CPPED1: variants seen among roughly 807,000 people sequenced by gnomAD.
CPPED1 encodes the protein calcineurin like phosphoesterase domain containing 1.
In CPPED1, 28 loss-of-function variants were observed where a neutral mutation model predicts 28.0. The ratio of observed to expected loss-of-function variants is 1.00; its 90% CI spans 0.74 to 1.37. The LOEUF is 1.37. Among genes scored for constraint, CPPED1 ranks in the 40% most tolerant of loss-of-function variants. The pLI is 0.00. For missense variants in CPPED1, 504 were observed against 416.5 expected (o/e 1.21, Z -1.83); for synonymous variants, 198 against 180.2 (o/e 1.10, Z -0.79).
chr16:12,738,320 C>G (rs2080237598), intron 2 of CPPED1, among the ~76,000 whole-genome samples: 2 of 151,932 alleles, frequency 1.3e-5, no homozygotes, highest in African/African-American at 4.8e-5. Flanking sequence ...GGAAATATGC[C>G]AACAATGTTA....
rs547412423 is a variant in CPPED1, at chr16:12,781,303, G to T, written c.171C>A (p.Gly57=). The T allele has an allele frequency of 6.2e-6, 10 of 1,613,972 alleles. No individual in the cohort carries two copies. Among genetic ancestry groups the T allele is most frequent in the Middle Eastern group, 1.6e-4 (1 of 6,084 alleles). Residue 57 remains glycine, a synonymous_variant, in exon 2 of 4, where the codon GGC becomes GGA. Coordinates refer to ENST00000381774, the MANE Select transcript of CPPED1 (RefSeq NM_018340.3). ...KAWSTGDCDN[G]GDEWEQEIRL... ...GGATCTCCTGTTCCCATTCGTCACC[G>T]CCATTGTCACAGTCCCCAGTGGACC...
At chr16:12,713,245 G>A (rs931453357) in intron 2 of CPPED1, among the ~76,000 whole-genome samples, 10 of 152,120 alleles carry the variant, frequency 6.6e-5, no homozygotes, top group African/African-American at 1.9e-4. Context: ...GACTTTAAAC[G>A]TCAACACCTA....
intron 2 of CPPED1, among the ~76,000 whole-genome samples, chr16:12,736,453 G>GTTGAGGCCCA (rs1254369532): frequency 1.3e-5 from 2 of 152,000 alleles, no homozygotes; most frequent in Non-Finnish European, 2.9e-5. Context: ...TGGCTAGGCT[G>GTTGAGGCCCA]GTCTCAAGCT....
chr16:12,798,480 C>T (rs2141247928), intron 1 of CPPED1, among the ~76,000 whole-genome samples: 1 of 152,292 alleles, frequency 6.6e-6, no homozygotes, highest in African/African-American at 2.4e-5. Context: ...TTAGGTGAGA[C>T]CTGCAAGAGA....
intron 3 of CPPED1, among the ~76,000 whole-genome samples, chr16:12,685,819 A>T (rs1195206867): frequency 1.3e-5 from 2 of 152,108 alleles, no homozygotes; most frequent in Non-Finnish European, 2.9e-5. Context: ...CTGGATATGG[A>T]GATTTGGGAG....
chr16:12,708,136 G>A (rs1471914389), intron 2 of CPPED1, among the ~76,000 whole-genome samples: 1 of 151,968 alleles, frequency 6.6e-6, no homozygotes, highest in African/African-American at 2.4e-5. Flanking sequence ...AACAGAGTGA[G>A]ATTCTGTCTC....
chr16:12,709,812 C>G lies in CPPED1; in HGVS notation c.290-4763G>C, dbSNP rs77538685. Among the ~76,000 whole-genome samples, 2,796 of 152,058 alleles carry G rather than the reference C, an allele frequency of 0.018. 42 individuals are homozygous for G. The highest frequency in any genetic ancestry group is 0.029 in the Non-Finnish European group (1,958 of 67,980). ...AACAAGACAAGGAAGTCTGCTCTCA[C>G]ACTCTCACTGAACATCATACTAGAA... On this transcript the variant is annotated intron_variant, in intron 2 of 3. Transcript: ENST00000381774. The surrounding 1 kb of genome is among the most constrained non-coding windows in gnomAD (Gnocchi z 4.4).
chr16:12,678,950 T>C (rs934970931), intron 3 of CPPED1, among the ~76,000 whole-genome samples: 1 of 152,246 alleles, frequency 6.6e-6, no homozygotes, highest in Non-Finnish European at 1.5e-5. Flanking sequence ...TTTTTCTTGT[T>C]GGTTATAAAT....
intron 3 of CPPED1, among the ~76,000 whole-genome samples, chr16:12,671,381 A>G (rs2079851981): frequency 6.6e-6 from 1 of 152,072 alleles, no homozygotes; most frequent in South Asian, 2.1e-4. Flanking sequence ...GAGATTGAGA[A>G]TGGTGGTAAA....
chr16:12,686,719 A>G (rs1163955789), intron 3 of CPPED1, among the ~76,000 whole-genome samples: 1 of 152,208 alleles, frequency 6.6e-6, no homozygotes, highest in African/African-American at 2.4e-5. Context: ...TGGAAATGAG[A>G]ACCAGACGAC....
intron 3 of CPPED1, among the ~76,000 whole-genome samples, chr16:12,701,363 A>G (rs1271886024): frequency 6.6e-6 from 1 of 151,992 alleles, no homozygotes; most frequent in Non-Finnish European, 1.5e-5. Context: ...GTGAAACCCC[A>G]TCTCTACTAA....
intron 2 of CPPED1, among the ~76,000 whole-genome samples, chr16:12,779,695 T>A (rs567031501): frequency 2.6e-5 from 4 of 152,184 alleles, no homozygotes; most frequent in Non-Finnish European, 5.9e-5. Context: ...GTTTTCATTA[T>A]GGGTTTTGTT....
chr16:12,799,670 A>ATC (rs1350970233), intron 1 of CPPED1, among the ~76,000 whole-genome samples: 2 of 152,238 alleles, frequency 1.3e-5, no homozygotes, highest in African/African-American at 4.8e-5. Context: ...CGATGCTAAT[A>ATC]GAGTCAGGAC....
At chr16:12,745,724 CTGAGCTG>C (rs1425620620) in intron 2 of CPPED1, 1 of 152,206 alleles carries the variant, frequency 6.6e-6, no homozygotes. Flanking sequence ...CCATTGGGTA[CTGAGCTG>C]AATACCTGGG....
rs2141228997 is a variant in CPPED1, at chr16:12,765,182, T to C, written c.289+16003A>G. On this transcript the variant is annotated intron_variant, in intron 2 of 3. Coordinates refer to ENST00000381774, the MANE Select transcript of CPPED1 (RefSeq NM_018340.3). ...CATCTCTAATGCTGTTCATTATCTCTTCCTAATTAATGAAGGTATGTAAAT... is the reference window on the plus strand; with the variant it reads ...CATCTCTAATGCTGTTCATTATCTCCTCCTAATTAATGAAGGTATGTAAAT... Among the ~76,000 whole-genome samples, 3 of 152,382 alleles carry C rather than the reference T, an allele frequency of 2.0e-5. No homozygotes were observed. The South Asian group carries it at 6.2e-4, about 32-fold the overall frequency.
At chr16:12,780,925 A>G (rs938312793) in intron 2 of CPPED1, 10 of 485,014 alleles carry the variant, frequency 2.1e-5, no homozygotes, top group South Asian at 2.0e-4. Flanking sequence ...ATGTGTGGGA[A>G]TCTGTTCCAT....
intron 3 of CPPED1, among the ~76,000 whole-genome samples, chr16:12,684,756 G>C (rs571942636): frequency 1.3e-5 from 2 of 152,196 alleles, no homozygotes; most frequent in Non-Finnish European, 2.9e-5. Flanking sequence ...GGCCACGTGT[G>C]TTTAACTGAA....
At chr16:12,712,702 A>G (rs1345985560) in intron 2 of CPPED1, among the ~76,000 whole-genome samples, 1 of 152,174 alleles carries the variant, frequency 6.6e-6, no homozygotes, top group African/African-American at 2.4e-5. Flanking sequence ...ACAGTAAGTG[A>G]AAACAGGAAG....
At chr16:12,684,092 C>A (rs903658863) in intron 3 of CPPED1, among the ~76,000 whole-genome samples, 1 of 152,214 alleles carries the variant, frequency 6.6e-6, no homozygotes, top group Non-Finnish European at 1.5e-5. Context: ...CAGCCACACA[C>A]AGCTGCATGG....
Sources: allele counts gnomAD v4.1 joint callset (sites outside exome capture counted in the v4.1 genomes callset), GRCh38; gene constraint gnomAD v4.1.1; non-coding constraint Gnocchi (gnomAD v3.1); transcripts MANE v1.5; gene names NCBI Gene and HGNC (gene_info 2026-07-23, HGNC 2026-07-21).